The following RAB3GAP2 variants were observed in gnomAD, a reference collection of about 807,000 sequenced individuals.
RAB3GAP2 encodes rab3 GTPase-activating protein non-catalytic subunit.
RAB3GAP2 carries 87 observed loss-of-function variants against 185.3 expected under a neutral mutation model. That is an observed-to-expected ratio of 0.47 (90% CI 0.39 to 0.56). The LOEUF is 0.56. Among genes scored for constraint, RAB3GAP2 ranks in the 20% least tolerant of loss-of-function variants. The pLI is 0.00. For missense variants in RAB3GAP2, 1,492 were observed against 1,638.2 expected, an observed-to-expected ratio of 0.91 and a Z score of 1.54; for synonymous variants, 554 against 576.1, an observed-to-expected ratio of 0.96 and a Z score of 0.55.
rs544862987 is a variant in RAB3GAP2 at position 220,148,688 on chromosome 1, G to A, written c.*2563C>T. The A allele has an allele frequency of 5.3e-5, 8 of 152,222 alleles. 1 individual carries two copies. The South Asian group carries it at 1.7e-3, about 32-fold the overall frequency. 9.4% of individuals were successfully genotyped at this position (152,222 alleles called of 1,614,324 possible). A position where few individuals can be genotyped will look rare whatever the true frequency, so the allele number is the denominator to read the frequency against. ...ATTGTTTTTAAAAAGCAATTTAAAT[G>A]TAACAGTGTTTACTTTGACCATAGA... On this transcript the variant is annotated 3_prime_UTR_variant, in exon 35 of 35. Coordinates refer to ENST00000358951, the MANE Select transcript of RAB3GAP2 (RefSeq NM_012414.4).
intron 28 of RAB3GAP2, among the ~76,000 whole-genome samples, chr1:220,160,180 A>G (rs1451450458): frequency 6.6e-6 from 1 of 152,204 alleles, no homozygotes; most frequent in Non-Finnish European, 1.5e-5. Context: ...TAGCCCAGAA[A>G]AATTTCCTTA....
At position 220,151,690 on chromosome 1, in the gene RAB3GAP2, A is replaced by G. The variant is rs146611810; in HGVS notation, c.3942T>C (p.His1314=). Reference sequence around the variant, plus strand: ...CTTTTGTCTGGGTGTGGAGAAGCGCATGAGCCAGCCTTTGCCCCGTGAGCA... The same window carrying G: ...CTTTTGTCTGGGTGTGGAGAAGCGCGTGAGCCAGCCTTTGCCCCGTGAGCA... ...LLVLTGQRLA[H]ALLHTQTKEG... The change falls in exon 34 of 35, where the codon CAT becomes CAC. Residue 1314 remains histidine (H), a synonymous_variant. Transcript: ENST00000358951. The G allele has an allele frequency of 1.9e-6, 3 of 1,611,490 alleles. No individual in the cohort carries two copies. The African/African-American group carries it at 4.0e-5, about 22-fold the overall frequency.
Position 220,190,331 on chromosome 1 carries a change from A to G in RAB3GAP2, c.1631+46T>C, listed in dbSNP as rs1194534940. ...AGTACAACAAACCTAGGAACTAGGAAAAGTTAGCAGAGGAGCGTCAATCAG... is the reference window on the plus strand; with the variant it reads ...AGTACAACAAACCTAGGAACTAGGAGAAGTTAGCAGAGGAGCGTCAATCAG... On this transcript the variant is annotated intron_variant, in intron 15 of 34. Coordinates refer to ENST00000358951, the MANE Select transcript of RAB3GAP2 (RefSeq NM_012414.4). The G allele has an allele frequency of 2.5e-6, 4 of 1,613,168 alleles. No individual in the cohort carries two copies. In the South Asian group the frequency reaches 4.4e-5, roughly 18 times the overall value.
Position 220,151,748 on chromosome 1 carries a change from T to C in RAB3GAP2, c.3884A>G (p.His1295Arg), listed in dbSNP as rs776180834. 6.2e-6 allele frequency: 10 copies of C among 1,610,534 alleles called. No individual in the cohort carries two copies. The African/African-American group carries it at 1.1e-4, about 17-fold the overall frequency. The change falls in exon 34 of 35, where the codon CAT becomes CGT. Residue 1295 changes from histidine (H) to arginine (R), a missense_variant. His to Arg is a conservative substitution (Grantham distance 29, BLOSUM62 0). This residue lies in a region of RAB3GAP2 where 387 missense variants were observed against 455.3 expected (regional missense o/e 0.85). Coordinates refer to ENST00000358951, the MANE Select transcript of RAB3GAP2 (RefSeq NM_012414.4). ...HLGEEAILQV[H>R]DKEVLASQLL... ...CTGAGAGGCAAGGACCTCTTTGTCA[T>C]GAACCTGTAGAATGGCCTGAAGATA... is the stretch of plus-strand genomic sequence containing the variant.
intron 1 of RAB3GAP2, among the ~76,000 whole-genome samples, chr1:220,259,779 A>T (rs1660100756): frequency 6.6e-6 from 1 of 152,242 alleles, no homozygotes; most frequent in African/African-American, 2.4e-5. Flanking sequence ...GCACAGCAAA[A>T]GAAACTATTG....
In RAB3GAP2 at chr1:220,196,266, A is replaced by C. The variant is rs780502853; in HGVS notation, c.944T>G (p.Phe315Cys). 1.1e-5 allele frequency: 17 copies of C among 1,613,406 alleles called. No homozygotes were observed. Among genetic ancestry groups the C allele is most frequent in the East Asian group, 4.5e-5 (2 of 44,844 alleles). Reference sequence around the variant, plus strand: ...AACTCATACCTCTAAAGCATAGAAGAAGCCAGTAAATGGATTGGACCCTAC... The same window carrying C: ...AACTCATACCTCTAAAGCATAGAAGCAGCCAGTAAATGGATTGGACCCTAC... ...ITVGSNPFTGFFYALEGSTQP... is the reference protein window; with the variant it reads ...ITVGSNPFTGCFYALEGSTQP... Residue 315 changes from phenylalanine (F) to cysteine (C), a missense_variant, in exon 10 of 35, where the codon TTC becomes TGC. Coordinates refer to ENST00000358951, the MANE Select transcript of RAB3GAP2 (RefSeq NM_012414.4).
intron 21 of RAB3GAP2, among the ~76,000 whole-genome samples, chr1:220,178,749 C>A (rs1474768302): frequency 6.6e-6 from 1 of 151,972 alleles, no homozygotes; most frequent in African/African-American, 2.4e-5. Flanking sequence ...TACACAGCAA[C>A]TAATAAACAA....
chr1:220,191,107 C>A lies in RAB3GAP2; in HGVS notation c.1448G>T (p.Gly483Val). 2 of 1,614,000 alleles carry A rather than the reference C, an allele frequency of 1.2e-6. No individual in the cohort carries two copies. The highest frequency in any genetic ancestry group is 1.7e-6 in the Non-Finnish European group (2 of 1,179,958). ...GILEVWSTQQ[G>V]PRVGAFNVGK... The stretch of plus-strand genomic sequence containing the variant: ...CACATTGAAAGCTCCTACTCTAGGT[C>A]CCTGCTGTGTGCTCCACACTTCTAA... Residue 483 changes from glycine (G) to valine (V), a missense_variant, in exon 14 of 35, where the codon GGA becomes GTA. Gly to Val is a moderately radical substitution (Grantham distance 109). Transcript: ENST00000358951.
At chr1:220,214,946 T>TTTTA (rs1491243072) in intron 2 of RAB3GAP2, among the ~76,000 whole-genome samples, 2 of 89,620 alleles carry the variant, frequency 2.2e-5, no homozygotes, top group African/African-American at 4.8e-5. Flanking sequence ...AATAGTAGCA[T>TTTTA]TATATATATA....
At chr1:220,181,349 G>C (rs1311786032) in intron 21 of RAB3GAP2, among the ~76,000 whole-genome samples, 4 of 152,080 alleles carry the variant, frequency 2.6e-5, no homozygotes, top group Non-Finnish European at 5.9e-5. Flanking sequence ...TAATGGAGGG[G>C]GAGGTTCCTG....
At position 220,215,113 on chromosome 1, in the gene RAB3GAP2, G is replaced by A. The variant is rs193216537; in HGVS notation, c.181-1134C>T. On this transcript the variant is annotated intron_variant, in intron 2 of 34. Coordinates refer to ENST00000358951, the MANE Select transcript of RAB3GAP2 (RefSeq NM_012414.4). ...ACTATAATTTATTTAACCAGTTCCC[G>A]ATATGCGTGGACATTTGTATTGCTT... Among the ~76,000 whole-genome samples the A allele has an allele frequency of 9.0e-4, 137 of 151,560 alleles. 1 individual carries two copies. The East Asian group carries it at 0.023, about 26-fold the overall frequency.
At chr1:220,214,975 T>TATATAC (rs1360144410) in intron 2 of RAB3GAP2, among the ~76,000 whole-genome samples, 3 of 144,810 alleles carry the variant, frequency 2.1e-5, no homozygotes, top group South Asian at 4.3e-4. Context: ...TATATATATA[T>TATATAC]ACTTCTATAC....
intron 1 of RAB3GAP2, among the ~76,000 whole-genome samples, chr1:220,270,897 G>T (rs1238013503): frequency 6.6e-6 from 1 of 152,120 alleles, no homozygotes; most frequent in African/African-American, 2.4e-5. Context: ...TACTACTACT[G>T]CCTCATTGCC....
chr1:220,218,629 A>G (rs1659244679), intron 2 of RAB3GAP2, among the ~76,000 whole-genome samples: 1 of 152,146 alleles, frequency 6.6e-6, no homozygotes, highest in African/African-American at 2.4e-5. Context: ...TAGGAGATAT[A>G]TCTAATGTAA....
chr1:220,189,026 A>G (rs1218512338), intron 17 of RAB3GAP2, among the ~76,000 whole-genome samples: 1 of 152,156 alleles, frequency 6.6e-6, no homozygotes, highest in Non-Finnish European at 1.5e-5. Context: ...TGACGTAACT[A>G]TAAAGTAAAG....
chr1:220,189,500 C>T (rs1658571060), intron 17 of RAB3GAP2, among the ~76,000 whole-genome samples: 1 of 141,262 alleles, frequency 7.1e-6, no homozygotes. Context: ...ATTACAGTTA[C>T]AGGCATGAAT....
rs1657897636 is a variant in RAB3GAP2, at chr1:220,158,344, G to A, written c.3262-468C>T. Reference sequence around the variant, plus strand: ...CTCTGAGCAAAACTAGAATCCTCAAGCTTGAGAACTAAATACCAGATTGAT... The same window carrying A: ...CTCTGAGCAAAACTAGAATCCTCAAACTTGAGAACTAAATACCAGATTGAT... On this transcript the variant is annotated intron_variant, in intron 29 of 34. Coordinates refer to ENST00000358951, the MANE Select transcript of RAB3GAP2 (RefSeq NM_012414.4). The surrounding 1 kb of genome is among the most constrained non-coding windows in gnomAD (Gnocchi z 4.3). Among the ~76,000 whole-genome samples, 2 of 152,100 alleles carry A rather than the reference G, an allele frequency of 1.3e-5. No individual in the cohort carries two copies.
intron 3 of RAB3GAP2, 87 bp downstream of exon 3, chr1:220,213,769 A>T (rs1012779844): frequency 1.4e-6 from 2 of 1,430,700 alleles, no homozygotes; most frequent in African/African-American, 2.8e-5. Flanking sequence ...AAATAAATAA[A>T]AAGCATTATA....
intron 1 of RAB3GAP2, chr1:220,267,023 C>CG (rs955066110): frequency 1.2e-6 from 2 of 1,611,400 alleles, no homozygotes; most frequent in Non-Finnish European, 8.5e-7. Flanking sequence ...TCAATCATTT[C>CG]GGGGGGCAGG....
Sources: allele counts gnomAD v4.1 joint callset (sites outside exome capture counted in the v4.1 genomes callset), GRCh38; gene constraint gnomAD v4.1.1; regional missense constraint gnomAD v4.1.1; non-coding constraint Gnocchi (gnomAD v3.1); transcripts MANE v1.5; gene names NCBI Gene and HGNC (gene_info 2026-07-23, HGNC 2026-07-21).